Variants in CLPS observed in about 807,000 individuals in gnomAD.
The protein encoded by CLPS is colipase, pancreatic.
Under a neutral mutation model 9.3 loss-of-function variants are expected in CLPS, and 8 were observed. That is an observed-to-expected ratio of 0.86 (90% confidence interval 0.51 to 1.56). CLPS has a LOEUF of 1.56. Among genes scored for constraint, CLPS ranks in the 40% most tolerant of loss-of-function variants. The pLI is 0.00. For missense variants in CLPS, 144 were observed against 145.7 expected (o/e 0.99, Z 0.06); for synonymous variants, 61 against 56.2 (o/e 1.09, Z -0.39).
In CLPS at chr6:35,795,059, G is replaced by A. The variant is rs530603346; in HGVS notation, c.*87C>T. ...TGCTGGTCAAGGAGGTGGCCAGCCC[G>A]GGAGATGCGCTGGAGCAGGGGAGAG... On this transcript the variant is annotated 3_prime_UTR_variant, in exon 3 of 3. Coordinates refer to ENST00000259938, the MANE Select transcript of CLPS (RefSeq NM_001832.4). 1.8e-5 allele frequency: 28 copies of A among 1,535,272 alleles called. No homozygotes were observed. Among genetic ancestry groups the A allele is most frequent in the South Asian group, 6.3e-5 (5 of 79,986 alleles).
chr6:35,797,153 G>A, intron 1 of CLPS, 52 bp downstream of exon 1: 1 of 1,523,476 alleles, frequency 6.6e-7, no homozygotes, highest in Non-Finnish European at 9.1e-7. Flanking sequence ...TCCAAGCTTA[G>A]GAAGTCTTCA....
At position 35,795,197 on chromosome 6, in the gene CLPS, G is replaced by A. The variant is rs556619142; in HGVS notation, c.288C>T (p.Ile96=). 1.1e-5 allele frequency: 18 copies of A among 1,614,236 alleles called. No homozygotes were observed. In the South Asian group the frequency reaches 1.8e-4, roughly 16 times the overall value. ...GGCAGATGCCAAAGTTGGTGTTGGT[G>A]ATGGAGCCCACGATGGTCTTGTCTC... The part of the protein sequence containing the change: ...CEGDKTIVGS[I]TNTNFGICHD... Residue 96 remains isoleucine (I), a synonymous_variant, in exon 3 of 3, where the codon ATC becomes ATT. Transcript: ENST00000259938.
At position 35,795,205 on chromosome 6, in the gene CLPS, C is replaced by G. The variant is rs1312307939; in HGVS notation, c.280G>C (p.Gly94Arg). ...CCAAAGTTGGTGTTGGTGATGGAGCCCACGATGGTCTTGTCTCCCTCACAG... is the reference window on the plus strand; with the variant it reads ...CCAAAGTTGGTGTTGGTGATGGAGCGCACGATGGTCTTGTCTCCCTCACAG... ...LTCEGDKTIV[G>R]SITNTNFGIC... The change falls in exon 3 of 3, where the codon GGC becomes CGC. Residue 94 changes from glycine to arginine, a missense_variant. Coordinates refer to ENST00000259938, the MANE Select transcript of CLPS (RefSeq NM_001832.4). The G allele has an allele frequency of 1.9e-6, 3 of 1,614,224 alleles. No individual in the cohort carries two copies. The highest frequency in any genetic ancestry group is 3.3e-5 in the Admixed American group (2 of 60,028).
Position 35,795,055 on chromosome 6 carries a change from G to A in CLPS, c.*91C>T. 1.3e-6 allele frequency: 2 copies of A among 1,533,944 alleles called. No individual in the cohort carries two copies. Among genetic ancestry groups the A allele is most frequent in the Non-Finnish European group, 1.8e-6 (2 of 1,134,984 alleles). On this transcript the variant is annotated 3_prime_UTR_variant, in exon 3 of 3. Coordinates refer to ENST00000259938, the MANE Select transcript of CLPS (RefSeq NM_001832.4). ...GATATGCTGGTCAAGGAGGTGGCCA[G>A]CCCGGGAGATGCGCTGGAGCAGGGG...
rs113528670 is a variant in CLPS, at chr6:35,795,788, C to T, written c.150G>A (p.Ala50=). The T allele has an allele frequency of 4.0e-3, 6,428 of 1,610,678 alleles. No homozygotes were observed. In the African/African-American group the frequency reaches 0.055, roughly 14 times the overall value. ...CKSNCCQHSS[A]LGLARCTSMA... ...TGGATGTGCAGCGGGCCAGGCCCAG[C>T]GCACTTGAATGCTGGCAGCAATTGC... Residue 50 remains alanine, a synonymous_variant, in exon 2 of 3, where the codon GCG becomes GCA. Coordinates refer to ENST00000259938, the MANE Select transcript of CLPS (RefSeq NM_001832.4).
chr6:35,797,301 A>C lies in CLPS; in HGVS notation c.-13T>G. The C allele has an allele frequency of 6.2e-7, 1 of 1,613,220 alleles. No homozygotes were observed. On this transcript the variant is annotated 5_prime_UTR_variant, in exon 1 of 3. Transcript: ENST00000259938. The stretch of plus-strand genomic sequence containing the variant: ...GGATCTTCTCCATGGTGAGTGGGAC[A>C]GCTGGTGTGGGTGGCGGGAGACAGA...
In CLPS at chr6:35,795,134, G is replaced by A; in HGVS notation, c.*12C>T. On this transcript the variant is annotated 3_prime_UTR_variant, in exon 3 of 3. Coordinates refer to ENST00000259938, the MANE Select transcript of CLPS (RefSeq NM_001832.4). Reference sequence around the variant, plus strand: ...AGCATTCTGGGCTAGGTGTGGGAGTGGGTGGGCAGTCTCACTGCTTGGAGC... The same window carrying A: ...AGCATTCTGGGCTAGGTGTGGGAGTAGGTGGGCAGTCTCACTGCTTGGAGC... 6.2e-7 allele frequency: 1 copy of A among 1,612,568 alleles called. No individual in the cohort carries two copies. The highest frequency in any genetic ancestry group is 1.1e-5 in the South Asian group (1 of 90,762).
In CLPS at chr6:35,795,208, C is replaced by T. The variant is rs150755879; in HGVS notation, c.277G>A (p.Val93Met). The T allele has an allele frequency of 1.0e-4, 164 of 1,614,228 alleles. No homozygotes were observed. In the African/African-American group the frequency reaches 1.8e-3, roughly 18 times the overall value. The change falls in exon 3 of 3, where the codon GTG becomes ATG. Residue 93 changes from valine (V) to methionine (M), a missense_variant. Physicochemically the swap from Val to Met is conservative, Grantham distance 21. Transcript: ENST00000259938. ...AAGTTGGTGTTGGTGATGGAGCCCACGATGGTCTTGTCTCCCTCACAGGTC... is the reference window on the plus strand; with the variant it reads ...AAGTTGGTGTTGGTGATGGAGCCCATGATGGTCTTGTCTCCCTCACAGGTC... ...GLTCEGDKTI[V>M]GSITNTNFGI...
intron 2 of CLPS, 36 bp downstream of exon 2, chr6:35,795,695 T>C (rs761598766): frequency 6.2e-7 from 1 of 1,605,502 alleles, no homozygotes; most frequent in East Asian, 2.2e-5. Flanking sequence ...CTACTCCCCA[T>C]TCTCCCCCAC....
Position 35,797,242 on chromosome 6 carries a change from T to C in CLPS, c.47A>G (p.Tyr16Cys), listed in dbSNP as rs1768391383. ...ILLLVALSVA[Y>C]AAPGPRGIII... ...GATCCCCCGGGGGCCAGGAGCTGCA[T>C]AGGCCACAGAGAGGGCGACAAGCAG... Residue 16 changes from tyrosine (Y) to cysteine (C), a missense_variant, in exon 1 of 3, where the codon TAT becomes TGT. By Grantham distance (194) the Tyr-to-Cys change is radical. Transcript: ENST00000259938. 3.1e-6 allele frequency: 5 copies of C among 1,614,050 alleles called. No individual in the cohort carries two copies. The highest frequency in any genetic ancestry group is 4.5e-5 in the East Asian group (2 of 44,878).
rs751569641 is a variant in CLPS, at chr6:35,795,853, C to T, written c.85G>A (p.Glu29Lys). 1 of 1,612,390 alleles carries T rather than the reference C, an allele frequency of 6.2e-7. No individual in the cohort carries two copies. Among genetic ancestry groups the T allele is most frequent in the South Asian group, 1.1e-5 (1 of 91,080 alleles). ...PGPRGIIINL[E>K]NGELCMNSAQ... ...CTATTCATGCAGAGCTCACCGTTCTCCTGCCAGGAGCAGCCAGTCAGCCCA... is the reference window on the plus strand; with the variant it reads ...CTATTCATGCAGAGCTCACCGTTCTTCTGCCAGGAGCAGCCAGTCAGCCCA... The change falls in exon 2 of 3, where the codon GAG becomes AAG. Residue 29 changes from glutamate (E) to lysine (K), a missense_variant and splice_region_variant. Glu to Lys is a moderately conservative substitution (Grantham distance 56). Coordinates refer to ENST00000259938, the MANE Select transcript of CLPS (RefSeq NM_001832.4).
Position 35,795,021 on chromosome 6 carries a change from C to A in CLPS, c.*125G>T. 1 of 1,353,182 alleles carries A rather than the reference C, an allele frequency of 7.4e-7. No individual in the cohort carries two copies. Among genetic ancestry groups the A allele is most frequent in the Non-Finnish European group, 1.0e-6 (1 of 995,502 alleles). 83.8% of individuals were successfully genotyped at this position (1,353,182 alleles called of 1,614,324 possible). A position where few individuals can be genotyped will look rare whatever the true frequency, so the allele number is the denominator to read the frequency against. ...GGCCTTTAATTGTGAAGAGCGCAAT[C>A]AGAAAACAGATATGCTGGTCAAGGA... On this transcript the variant is annotated 3_prime_UTR_variant, in exon 3 of 3. Coordinates refer to ENST00000259938, the MANE Select transcript of CLPS (RefSeq NM_001832.4).
chr6:35,795,229 A>G lies in CLPS; in HGVS notation c.256T>C (p.Cys86Arg). 6.2e-7 allele frequency: 1 copy of G among 1,614,254 alleles called. No homozygotes were observed. The highest frequency in any genetic ancestry group is 8.5e-7 in the Non-Finnish European group (1 of 1,180,036). ...CCCACGATGGTCTTGTCTCCCTCAC[A>G]GGTCAGGCCACGCTCACAGGGACAC... Reference protein sequence around the residue: ...YKCPCERGLTCEGDKTIVGSI... With the variant: ...YKCPCERGLTREGDKTIVGSI... The change falls in exon 3 of 3, where the codon TGT becomes CGT. Residue 86 changes from cysteine to arginine, a missense_variant. By Grantham distance (180) the Cys-to-Arg change is radical (BLOSUM62 -3). Coordinates refer to ENST00000259938, the MANE Select transcript of CLPS (RefSeq NM_001832.4).
chr6:35,795,423 C>A (rs933241869), intron 2 of CLPS, 146 bp from the exon 3 acceptor site: 6 of 1,242,444 alleles, frequency 4.8e-6, no homozygotes, highest in Non-Finnish European at 6.6e-6. Flanking sequence ...TGCCGTGGGC[C>A]CTGGAGACCC....
Position 35,795,744 on chromosome 6 carries a change from T to G in CLPS, c.194A>C (p.Glu65Ala). ...RCTSMASENSECSVKTLYGIY... is the reference protein window; with the variant it reads ...RCTSMASENSACSVKTLYGIY... ...TCAGGCACCCACCTTGACAGAGCACTCGCTGTTCTCGCTGGCCATGGATGT... is the reference window on the plus strand; with the variant it reads ...TCAGGCACCCACCTTGACAGAGCACGCGCTGTTCTCGCTGGCCATGGATGT... Residue 65 changes from glutamate to alanine, a missense_variant, in exon 2 of 3, where the codon GAG becomes GCG. By Grantham distance (107) the Glu-to-Ala change is moderately radical. Transcript: ENST00000259938. 3.7e-6 allele frequency: 6 copies of G among 1,612,090 alleles called. No homozygotes were observed. Among genetic ancestry groups the G allele is most frequent in the Non-Finnish European group, 5.1e-6 (6 of 1,179,930 alleles).
At chr6:35,796,328 T>G (rs1295527476) in intron 1 of CLPS, among the ~76,000 whole-genome samples, 2 of 152,246 alleles carry the variant, frequency 1.3e-5, no homozygotes, top group African/African-American at 4.8e-5. Context: ...GGCCCCAAGT[T>G]AAGAGAGTTC....
chr6:35,796,743 G>A, intron 1 of CLPS: 1 of 446,636 alleles, frequency 2.2e-6, no homozygotes, highest in Admixed American at 2.4e-5. Context: ...AGACTAGCCT[G>A]GGCAACATGG....
At chr6:35,795,557 C>T (rs769953440) in intron 2 of CLPS, among the ~76,000 whole-genome samples, 174 bp downstream of exon 2, 3 of 152,028 alleles carry the variant, frequency 2.0e-5, no homozygotes, top group Non-Finnish European at 4.4e-5. Flanking sequence ...ACTGGTCACT[C>T]GGGAGGGTCA....
rs373305697 is a variant in CLPS, at chr6:35,795,841, G to A, written c.97C>T (p.Leu33Phe). 7 of 1,612,750 alleles carry A rather than the reference G, an allele frequency of 4.3e-6. No homozygotes were observed. Among genetic ancestry groups the A allele is most frequent in the Non-Finnish European group, 5.9e-6 (7 of 1,180,024 alleles). The change falls in exon 2 of 3, where the codon CTC becomes TTC. Residue 33 changes from leucine (L) to phenylalanine (F), a missense_variant. By Grantham distance (22) the Leu-to-Phe change is conservative. Coordinates refer to ENST00000259938, the MANE Select transcript of CLPS (RefSeq NM_001832.4). ...GIIINLENGELCMNSAQCKSN... is the reference protein window; with the variant it reads ...GIIINLENGEFCMNSAQCKSN... ...TTACACTGGGCACTATTCATGCAGA[G>A]CTCACCGTTCTCCTGCCAGGAGCAG... is the stretch of plus-strand genomic sequence containing the variant.
Sources: allele counts gnomAD v4.1 joint callset (sites outside exome capture counted in the v4.1 genomes callset), GRCh38; gene constraint gnomAD v4.1.1; transcripts MANE v1.5; gene names NCBI Gene and HGNC (gene_info 2026-07-23, HGNC 2026-07-21).